The following HOXD3 variants were observed in gnomAD, a reference collection of about 807,000 sequenced individuals.
HOXD3 encodes homeobox protein Hox-D3.
HOXD3 carries 13 observed loss-of-function variants against 32.8 expected under a neutral mutation model. The observed-to-expected ratio is 0.40, with a 90% confidence interval of 0.26 to 0.63. The LOEUF (loss-of-function observed/expected upper bound fraction) is 0.63. HOXD3 is among the 20% of genes least tolerant of loss of function. HOXD3 has a pLI of 0.44. For synonymous variants in HOXD3, 241 were observed against 246.8 expected (o/e 0.98, Z 0.22); for missense variants, 504 against 577.1 (o/e 0.87, Z 1.30).
Position 176,169,447 on chromosome 2 carries a change from C to T in HOXD3, c.333C>T (p.Asn111=). 1 of 1,613,146 alleles carries T rather than the reference C, an allele frequency of 6.2e-7. No homozygotes were observed. The highest frequency in any genetic ancestry group is 1.3e-5 in the African/African-American group (1 of 75,002). The change falls in exon 3 of 4, where the codon AAC becomes AAT. Residue 111 remains asparagine (N), a synonymous_variant. Coordinates refer to ENST00000683222, the MANE Select transcript of HOXD3 (RefSeq NM_006898.5). The part of the protein sequence containing the change: ...GGGGSQPPGL[N]SEQQPPQPPP... Reference sequence around the variant, plus strand: ...GTGGCAGCCAGCCTCCTGGTCTGAACTCAGAGCAGCAGCCACCACAACCCC... The same window carrying T: ...GTGGCAGCCAGCCTCCTGGTCTGAATTCAGAGCAGCAGCCACCACAACCCC...
upstream of HOXD3, among the ~76,000 whole-genome samples, chr2:176,155,268 T>C (rs1028676711): frequency 6.6e-6 from 1 of 152,096 alleles, no homozygotes; most frequent in African/African-American, 2.4e-5. Flanking sequence ...ATAATAGAGA[T>C]TTGTTGTATA....
chr2:176,166,342 A>C (rs1382258352), intron 2 of HOXD3, among the ~76,000 whole-genome samples: 1 of 152,220 alleles, frequency 6.6e-6, no homozygotes, highest in Non-Finnish European at 1.5e-5. Flanking sequence ...ATCTAGATCA[A>C]CTTTGTCAAC....
At position 176,165,326 on chromosome 2, in the gene HOXD3, T is replaced by C. The variant is rs1690930887; in HGVS notation, c.-85+1158T>C. On this transcript the variant is annotated intron_variant, in intron 2 of 3. Transcript: ENST00000683222. ...GTCGCTGTGAGCGCCTTTTATTTAT[T>C]TGGTATCATATTAGGTATTGATCTC... The C allele has an allele frequency of 2.0e-5, 3 of 152,264 alleles. No individual in the cohort carries two copies. In the South Asian group the frequency reaches 6.2e-4, roughly 32 times the overall value. 9.4% of individuals were successfully genotyped at this position (152,264 alleles called of 1,614,324 possible).
At chr2:176,167,589 G>A (rs1458374727) in intron 2 of HOXD3, among the ~76,000 whole-genome samples, 1 of 151,710 alleles carries the variant, frequency 6.6e-6, no homozygotes, top group Non-Finnish European at 1.5e-5. Context: ...CTGATTCATA[G>A]AGCTTACTCA....
chr2:176,158,609 C>T (rs1690702249), intron 1 of HOXD3, among the ~76,000 whole-genome samples: 1 of 152,180 alleles, frequency 6.6e-6, no homozygotes, highest in Non-Finnish European at 1.5e-5. Flanking sequence ...TGTGTGTTTT[C>T]ATTTATTTTT....
chr2:176,152,675 A>G, upstream of HOXD3: 6 of 1,614,214 alleles, frequency 3.7e-6, no homozygotes, highest in Non-Finnish European at 1.7e-6. The surrounding 1 kb of genome is among the most constrained non-coding windows in gnomAD (Gnocchi z 5.2). Context: ...AGCAAGTCCT[A>G]GAACTGGAAA....
At position 176,172,275 on chromosome 2, in the gene HOXD3, C is replaced by T. The variant is rs781092542; in HGVS notation, c.*1C>T. 3.2e-6 allele frequency: 5 copies of T among 1,586,828 alleles called. No homozygotes were observed. The South Asian group carries it at 5.6e-5, about 18-fold the overall frequency. Reference sequence around the variant, plus strand: ...GGCTCCCAAACTGACGCATCTGTAGCGGCCGCCGCCAGCCCGAACTCGCGG... The same window carrying T: ...GGCTCCCAAACTGACGCATCTGTAGTGGCCGCCGCCAGCCCGAACTCGCGG... On this transcript the variant is annotated 3_prime_UTR_variant, in exon 4 of 4. Coordinates refer to ENST00000683222, the MANE Select transcript of HOXD3 (RefSeq NM_006898.5).
chr2:176,157,389 G>A lies in HOXD3; in HGVS notation c.-244G>A, dbSNP rs1284816260. On this transcript the variant is annotated 5_prime_UTR_variant, in exon 1 of 4. Transcript: ENST00000683222. ...TCCCAAGAATATCACCCGTCCAGGG[G>A]GGCCGCGCGGTGCCCCCGGCCCTCC... Among the ~76,000 whole-genome samples the A allele has an allele frequency of 6.6e-6, 1 of 152,130 alleles. No homozygotes were observed. Among genetic ancestry groups the A allele is most frequent in the Admixed American group, 6.5e-5 (1 of 15,276 alleles).
rs941678342 is a variant in HOXD3, at chr2:176,172,449, A to G, written c.*175A>G. On this transcript the variant is annotated 3_prime_UTR_variant, in exon 4 of 4. Transcript: ENST00000683222. ...GCGCAGGCGACCGGGCCTCCCCTCCATGGGCGTCCTTTGGGTGACTCGCCA... is the reference window on the plus strand; with the variant it reads ...GCGCAGGCGACCGGGCCTCCCCTCCGTGGGCGTCCTTTGGGTGACTCGCCA... The G allele has an allele frequency of 5.0e-6, 3 of 598,292 alleles. No individual in the cohort carries two copies. Among genetic ancestry groups the G allele is most frequent in the African/African-American group, 3.9e-5 (2 of 51,730 alleles). 37.1% of individuals were successfully genotyped at this position (598,292 alleles called of 1,614,324 possible). A position where few individuals can be genotyped will look rare whatever the true frequency, so the allele number is the denominator to read the frequency against.
At position 176,169,233 on chromosome 2, in the gene HOXD3, C is replaced by T. The variant is rs912983338; in HGVS notation, c.119C>T (p.Thr40Ile). The T allele has an allele frequency of 3.1e-6, 5 of 1,614,116 alleles. No homozygotes were observed. The highest frequency in any genetic ancestry group is 4.2e-6 in the Non-Finnish European group (5 of 1,180,000). ...GGYGYSKTTD[T>I]YGYSTPHQPY... ...TATGGCTACAGCAAAACTACGGACA[C>T]TTACGGCTACAGCACCCCCCACCAG... The change falls in exon 3 of 4, where the codon ACT becomes ATT. Residue 40 changes from threonine to isoleucine, a missense_variant. By Grantham distance (89) the Thr-to-Ile change is moderately conservative. Around this residue, in one of 3 missense-constraint regions of HOXD3, gnomAD observed 181 missense variants for 172.2 expected, o/e 1.05. Coordinates refer to ENST00000683222, the MANE Select transcript of HOXD3 (RefSeq NM_006898.5).
At position 176,163,440 on chromosome 2, in the gene HOXD3, G is replaced by C. The variant is rs369948133; in HGVS notation, c.-180-633G>C. 5.3e-5 allele frequency among the ~76,000 whole-genome samples: 8 copies of C among 152,256 alleles called. No individual in the cohort carries two copies. The East Asian group carries it at 1.2e-3, about 22-fold the overall frequency. ...AGGATGTTTGTTTCTTAGGCGATTT[G>C]CAGTCTGATCCTGACCCAGAAGTGG... is the stretch of plus-strand genomic sequence containing the variant. On this transcript the variant is annotated intron_variant, in intron 1 of 3. Coordinates refer to ENST00000683222, the MANE Select transcript of HOXD3 (RefSeq NM_006898.5).
intron 2 of HOXD3, 64 bp from the exon 3 acceptor site, chr2:176,168,967 C>T: frequency 3.8e-5 from 49 of 1,282,206 alleles, no homozygotes; most frequent in Non-Finnish European, 5.1e-5. Context: ...TGGGCTAGTC[C>T]TTCTATATTG....
rs1297664340 is a variant in HOXD3, at chr2:176,171,932, C to A, written c.957C>A (p.Leu319=). 3 of 1,610,180 alleles carry A rather than the reference C, an allele frequency of 1.9e-6. No individual in the cohort carries two copies. The African/African-American group carries it at 4.0e-5, about 21-fold the overall frequency. Residue 319 remains leucine (L), a synonymous_variant, in exon 4 of 4, where the codon CTC becomes CTA. Coordinates refer to ENST00000683222, the MANE Select transcript of HOXD3 (RefSeq NM_006898.5). ...MYGLAAYTAP[L]SSCLPQQKRY... The stretch of plus-strand genomic sequence containing the variant: ...GCCTGGCCGCCTACACGGCGCCACT[C>A]AGCAGCTGCCTGCCACAACAGAAGC...
intron 1 of HOXD3, among the ~76,000 whole-genome samples, chr2:176,158,694 A>G (rs1235864509): frequency 6.6e-6 from 1 of 152,230 alleles, no homozygotes; most frequent in Admixed American, 6.5e-5. Context: ...AAACAATAAC[A>G]CATTAATTCA....
intron 2 of HOXD3, 144 bp from the exon 3 acceptor site, chr2:176,168,887 T>C: frequency 1.8e-6 from 1 of 545,204 alleles, no homozygotes; most frequent in Non-Finnish European, 3.1e-6. Flanking sequence ...AATAAATAGA[T>C]AAGTAAATAA....
chr2:176,170,940 TA>T (rs1283273712), intron 3 of HOXD3, among the ~76,000 whole-genome samples: 8 of 152,180 alleles, frequency 5.3e-5, no homozygotes, highest in Non-Finnish European at 8.8e-5. Flanking sequence ...TTTTATTTTT[TA>T]TTTTTTGGTT....
At chr2:176,153,053 C>A (rs1690576949), upstream of HOXD3, 4 of 1,106,884 alleles carry the variant, frequency 3.6e-6, no homozygotes, top group South Asian at 1.3e-5. Context: ...GTGGGGTGGA[C>A]CTGGGACAAG....
At chr2:176,161,025 C>T (rs139740823) in intron 1 of HOXD3, 7 of 152,240 alleles carry the variant, frequency 4.6e-5, no homozygotes, top group African/African-American at 1.7e-4. Flanking sequence ...CTCTGCCCCC[C>T]ACTGGCGCCC....
intron 1 of HOXD3, among the ~76,000 whole-genome samples, chr2:176,158,936 C>T (rs1320183017): frequency 6.6e-6 from 1 of 152,036 alleles, no homozygotes; most frequent in Non-Finnish European, 1.5e-5. Context: ...CCTCCCAAGG[C>T]CCCGGCTTGG....
Sources: allele counts gnomAD v4.1 joint callset (sites outside exome capture counted in the v4.1 genomes callset), GRCh38; gene constraint gnomAD v4.1.1; regional missense constraint gnomAD v4.1.1; non-coding constraint Gnocchi (gnomAD v3.1); transcripts MANE v1.5; gene names NCBI Gene and HGNC (gene_info 2026-07-23, HGNC 2026-07-21).